Variants in ESR2 observed in about 807,000 individuals in gnomAD.
The protein encoded by ESR2 is estrogen receptor 2, also known as estrogen receptor beta.
Under a neutral mutation model 49.6 loss-of-function variants are expected in ESR2, and 36 were observed. The observed-to-expected ratio is 0.73, with a 90% CI of 0.56 to 0.96. The LOEUF (loss-of-function observed/expected upper bound fraction) is 0.96, where lower values mean the gene tolerates loss of function less well. Ranked by LOEUF, ESR2 falls within the 40% of genes least tolerant of loss-of-function variation. The probability of loss-of-function intolerance (pLI) is 0.00; values close to 1 mark genes in which losing one functional copy is unlikely to be tolerated. For missense variants in ESR2, 714 were observed against 693.0 expected (o/e 1.03, Z -0.34); for synonymous variants, 320 against 266.1 (o/e 1.20, Z -1.97).
In ESR2 at chr14:64,266,212, A is replaced by G. The variant is rs118060265; in HGVS notation, c.652+2583T>C. Among the ~76,000 whole-genome samples, 20 of 152,308 alleles carry G rather than the reference A, an allele frequency of 1.3e-4. No homozygotes were observed. The East Asian group carries it at 3.3e-3, about 25-fold the overall frequency. On this transcript the variant is annotated intron_variant, in intron 4 of 8. Transcript: ENST00000341099. ...GTATCAAAGCTCATATGAGTTTTTC[A>G]GGGAAGGAGAGAGAATGGAAGGAAA... is the stretch of plus-strand genomic sequence containing the variant.
At chr14:64,227,464 T>TCC, downstream of ESR2, 1 of 1,532,364 alleles carries the variant, frequency 6.5e-7, no homozygotes, top group Non-Finnish European at 9.0e-7. Flanking sequence ...ATTACAATGA[T>TCC]CCCAGAGGGA....
At chr14:64,296,388 G>A (rs1034493572), upstream of ESR2, among the ~76,000 whole-genome samples, 2 of 152,150 alleles carry the variant, frequency 1.3e-5, no homozygotes, top group African/African-American at 2.4e-5. Flanking sequence ...GACAGCTACC[G>A]CTTATTGGAC....
At chr14:64,311,913 G>A (rs1036199640) in intron 1 of ESR2, among the ~76,000 whole-genome samples, 31 of 152,160 alleles carry the variant, frequency 2.0e-4, no homozygotes, top group African/African-American at 7.5e-4. Context: ...GGAACATCAG[G>A]AGACAGAAAA....
chr14:64,245,509 C>CAAAAA (rs56160081), intron 7 of ESR2, among the ~76,000 whole-genome samples: 5 of 65,460 alleles, frequency 7.6e-5, no homozygotes, highest in African/African-American at 1.9e-4. Flanking sequence ...AAGACTCTGT[C>CAAAAA]AAAAAAAAAA....
At chr14:64,297,100 T>C (rs2140858589), upstream of ESR2, among the ~76,000 whole-genome samples, 1 of 152,282 alleles carries the variant, frequency 6.6e-6, no homozygotes, top group Non-Finnish European at 1.5e-5. Flanking sequence ...ACCTCACCCC[T>C]GACCTGCCTA....
intron 2 of ESR2, among the ~76,000 whole-genome samples, chr14:64,281,617 T>G (rs1341140246): frequency 6.6e-6 from 1 of 152,212 alleles, no homozygotes; most frequent in Non-Finnish European, 1.5e-5. Flanking sequence ...AACATGCCCT[T>G]AGTACTTTTA....
At chr14:64,280,425 G>GA (rs2076642485) in intron 2 of ESR2, among the ~76,000 whole-genome samples, 1 of 152,146 alleles carries the variant, frequency 6.6e-6, no homozygotes, top group Non-Finnish European at 1.5e-5. Context: ...TGTCACTGCC[G>GA]AAGACCAGTC....
intron 1 of ESR2, among the ~76,000 whole-genome samples, chr14:64,284,807 G>C (rs954109710): frequency 6.7e-6 from 1 of 149,994 alleles, no homozygotes; most frequent in South Asian, 2.1e-4. Context: ...TTTTTCCACT[G>C]TCTTTTGCTG....
chr14:64,233,962 T>C (rs1356661156), intron 8 of ESR2: 1 of 152,400 alleles, frequency 6.6e-6, no homozygotes, highest in Non-Finnish European at 1.5e-5. Context: ...GTAGACCAAG[T>C]AAAGGACACT....
chr14:64,310,286 A>AAAAAAAAAAAAAAAAAATAATAATAAT (rs1555595498), intron 1 of ESR2, among the ~76,000 whole-genome samples: 1 of 142,466 alleles, frequency 7.0e-6, no homozygotes, highest in African/African-American at 2.6e-5. Flanking sequence ...TCGTCTCAAA[A>AAAAAAAAAAAAAAAAAATAATAATAAT]AATAATAATA....
intron 3 of ESR2, among the ~76,000 whole-genome samples, chr14:64,279,358 A>G (rs1596448441): frequency 6.6e-6 from 1 of 152,196 alleles, no homozygotes; most frequent in Non-Finnish European, 1.5e-5. Context: ...AATATTTTAC[A>G]GAGTTTGATT....
chr14:64,301,261 T>C (rs1195297121), intron 1 of ESR2: 2 of 152,112 alleles, frequency 1.3e-5, no homozygotes, highest in African/African-American at 2.4e-5. Flanking sequence ...AGTGACAAAT[T>C]AATGGTGGCA....
chr14:64,290,642 A>G (rs1223490238), intron 1 of ESR2, among the ~76,000 whole-genome samples: 3 of 152,034 alleles, frequency 2.0e-5, no homozygotes, highest in South Asian at 4.2e-4. Flanking sequence ...CCCTCAAGTG[A>G]TCCAGCCACC....
At chr14:64,329,861 AGGCAT>A (rs1447211940) in intron 1 of ESR2, 1 of 152,324 alleles carries the variant, frequency 6.6e-6, no homozygotes, top group South Asian at 2.1e-4. Flanking sequence ...CTACCCGGCT[AGGCAT>A]GGTGGCTCAC....
At chr14:64,334,422 A>C (rs1330846382) in intron 1 of ESR2, among the ~76,000 whole-genome samples, 1 of 152,176 alleles carries the variant, frequency 6.6e-6, no homozygotes, top group Non-Finnish European at 1.5e-5. Flanking sequence ...TTTCTCACCA[A>C]ATGTGCCTTT....
At chr14:64,334,449 T>G (rs1358077143) in intron 1 of ESR2, among the ~76,000 whole-genome samples, 1 of 152,186 alleles carries the variant, frequency 6.6e-6, no homozygotes, top group Non-Finnish European at 1.5e-5. Context: ...CACTGTTTGA[T>G]ATGTTCTCAT....
At chr14:64,248,139 A>T (rs919685834) in intron 7 of ESR2, among the ~76,000 whole-genome samples, 2 of 151,974 alleles carry the variant, frequency 1.3e-5, no homozygotes, top group Non-Finnish European at 2.9e-5. Context: ...AACTGCAGTA[A>T]ACCATGATCG....
At chr14:64,234,949 G>A (rs749711375) in intron 8 of ESR2, 21 bp downstream of exon 8, 1 of 1,609,328 alleles carries the variant, frequency 6.2e-7, no homozygotes, top group Non-Finnish European at 8.5e-7. Flanking sequence ...CCCAAGCAGA[G>A]CAGCTCCTTA....
chr14:64,290,487 C>T (rs766057645), intron 1 of ESR2, among the ~76,000 whole-genome samples: 1 of 152,126 alleles, frequency 6.6e-6, no homozygotes, highest in Non-Finnish European at 1.5e-5. Flanking sequence ...ACTGTAAACT[C>T]GGCCTCCCAG....
Sources: gnomAD v4.1 joint callset for allele counts (sites outside exome capture counted in the v4.1 genomes callset) on GRCh38, gnomAD v4.1.1 for gene constraint, MANE v1.5 for transcripts, NCBI Gene and HGNC (gene_info 2026-07-23, HGNC 2026-07-21) for gene names.